The following BRD4 variants were observed in gnomAD, a reference collection of about 807,000 sequenced individuals.
The protein encoded by BRD4 is bromodomain containing 4, also known as bromodomain-containing protein 4.
In BRD4, 16 loss-of-function variants were observed where a neutral mutation model predicts 142.1. The ratio of observed to expected loss-of-function variants is 0.11; its 90% CI spans 0.08 to 0.17. The LOEUF is 0.17. Among genes scored for constraint, BRD4 ranks in the 10% least tolerant of loss-of-function variants. The probability of loss-of-function intolerance (pLI) is 1.00; values close to 1 mark genes in which losing one functional copy is unlikely to be tolerated. For synonymous variants in BRD4, 833 were observed against 707.5 expected (o/e 1.18, Z -2.82); for missense variants, 1,424 against 1,810.9 (o/e 0.79, Z 3.88).
chr19:15,327,503 C>G (rs1230854388), intron 1 of BRD4, among the ~76,000 whole-genome samples: 6 of 151,772 alleles, frequency 4.0e-5, no homozygotes, highest in Non-Finnish European at 2.9e-5. Context: ...GAGATCGTGC[C>G]ACTGCACTCC....
intron 1 of BRD4, among the ~76,000 whole-genome samples, chr19:15,323,021 G>A (rs1346766486): frequency 6.6e-6 from 1 of 151,514 alleles, no homozygotes; most frequent in Non-Finnish European, 1.5e-5. Flanking sequence ...CTGCACTCCA[G>A]CCTGGGTGAC....
At chr19:15,290,684 T>A (rs1308031522) in intron 1 of BRD4, among the ~76,000 whole-genome samples, 1 of 152,106 alleles carries the variant, frequency 6.6e-6, no homozygotes, top group African/African-American at 2.4e-5. Context: ...CTGCCTCAGA[T>A]GGTAAAGCTC....
intron 1 of BRD4, among the ~76,000 whole-genome samples, chr19:15,315,999 A>C (rs2145721145): frequency 6.9e-6 from 1 of 144,952 alleles, no homozygotes; most frequent in East Asian, 2.1e-4. Context: ...TACTAAAAAT[A>C]CAAAAAATTA....
intron 1 of BRD4, among the ~76,000 whole-genome samples, chr19:15,284,458 T>C (rs2047726516): frequency 6.6e-6 from 1 of 152,196 alleles, no homozygotes; most frequent in African/African-American, 2.4e-5. Flanking sequence ...TGGATTTATA[T>C]CTGATACACA....
Position 15,269,031 on chromosome 19 carries a change from C to G in BRD4, c.297G>C (p.Lys99Asn), listed in dbSNP as rs763461840. 2.5e-6 allele frequency: 4 copies of G among 1,613,988 alleles called. No homozygotes were observed. The African/African-American group carries it at 5.3e-5, about 22-fold the overall frequency. The change falls in exon 3 of 20, where the codon AAG becomes AAC. Residue 99 changes from lysine to asparagine, a missense_variant. Physicochemically the swap from Lys to Asn is moderately conservative, Grantham distance 94 (BLOSUM62 0). Around this residue, in one of 16 missense-constraint regions of BRD4, gnomAD observed 55 missense variants for 160.7 expected, o/e 0.34. Coordinates refer to ENST00000679869, the MANE Select transcript of BRD4 (RefSeq NM_001379291.1). ...CCATATCCATAGGCGTTTTAATGATCTTATAGTAATCCTGGAGAGCAGAGA... is the reference window on the plus strand; with the variant it reads ...CCATATCCATAGGCGTTTTAATGATGTTATAGTAATCCTGGAGAGCAGAGA... ...AVKLNLPDYYKIIKTPMDMGT... is the reference protein window; with the variant it reads ...AVKLNLPDYYNIIKTPMDMGT...
In BRD4 at chr19:15,239,694, G is replaced by A. The variant is rs540369634; in HGVS notation, c.3410C>T (p.Pro1137Leu). 11 of 1,593,854 alleles carry A rather than the reference G, an allele frequency of 6.9e-6. No homozygotes were observed. The highest frequency in any genetic ancestry group is 4.5e-5 in the East Asian group (2 of 44,806). ...PSLRPEPPKH[P>L]ESIKAPVHLP... ...GTGGACGGGGGCCTTGATGCTCTCCGGGTGCTTGGGGGGCTCCGGCCGCAG... is the reference window on the plus strand; with the variant it reads ...GTGGACGGGGGCCTTGATGCTCTCCAGGTGCTTGGGGGGCTCCGGCCGCAG... Residue 1137 changes from proline (P) to leucine (L), a missense_variant, in exon 16 of 20, where the codon CCG (proline) becomes CTG (leucine). By Grantham distance (98) the Pro-to-Leu change is moderately conservative (BLOSUM62 -3). This residue lies in a region of BRD4 where 598 missense variants were observed against 647.8 expected (regional missense o/e 0.92). Transcript: ENST00000679869. The surrounding 1 kb of genome is among the most constrained non-coding windows in gnomAD (Gnocchi z 7.4).
Position 15,239,548 on chromosome 19 carries a change from CTGGCCCACCTCACCCCAGTGGGGCA to C in BRD4, c.3446-51_3446-27del, listed in dbSNP as rs778802854. 1.9e-6 allele frequency: 3 copies of C among 1,596,090 alleles called. No homozygotes were observed. Among genetic ancestry groups the C allele is most frequent in the African/African-American group, 1.3e-5 (1 of 74,418 alleles). ...CTGGAACATAAACAGCCGGTGGGCC[CTGGCCCACCTCACCCCAGTGGGGCA>C]TGGTCCACCAGCCCCACAGCAAGCT... On this transcript the variant is annotated intron_variant, in intron 16 of 19. Coordinates refer to ENST00000679869, the MANE Select transcript of BRD4 (RefSeq NM_001379291.1). This position sits in a 1 kb window ranked among gnomAD's most constrained non-coding sequence, Gnocchi z 7.4.
At chr19:15,326,428 G>A (rs370550285) in intron 1 of BRD4, among the ~76,000 whole-genome samples, 9 of 151,938 alleles carry the variant, frequency 5.9e-5, no homozygotes, top group South Asian at 4.2e-4. Flanking sequence ...TCTCTGCATG[G>A]GTGACAGAGC....
At chr19:15,270,993 ACT>A (rs2047581423) in intron 2 of BRD4, among the ~76,000 whole-genome samples, 1 of 151,902 alleles carries the variant, frequency 6.6e-6, no homozygotes, top group African/African-American at 2.4e-5. Flanking sequence ...GTAGATTCAC[ACT>A]CTGCCTGGAC....
intron 1 of BRD4, among the ~76,000 whole-genome samples, chr19:15,308,346 T>G (rs927832228): frequency 6.6e-6 from 1 of 151,164 alleles, no homozygotes. Context: ...CCCAGCACTT[T>G]GGGAGGCCCA....
chr19:15,286,256 G>A (rs1224720760), intron 1 of BRD4, among the ~76,000 whole-genome samples: 15 of 152,144 alleles, frequency 9.9e-5, no homozygotes, highest in African/African-American at 3.4e-4. Flanking sequence ...CCCCTGCACC[G>A]GCCTAACATG....
chr19:15,253,524 G>A (rs200916366), intron 11 of BRD4: 78 of 1,523,280 alleles, frequency 5.1e-5, no homozygotes, highest in Middle Eastern at 1.7e-4. Context: ...GGAGGGACAC[G>A]CAAGTCCAGG....
intron 2 of BRD4, among the ~76,000 whole-genome samples, chr19:15,271,414 AG>A (rs2047585915): frequency 6.6e-6 from 1 of 152,178 alleles, no homozygotes; most frequent in African/African-American, 2.4e-5. Context: ...CAGGATGATC[AG>A]GTCGGAATCC....
chr19:15,328,648 G>C (rs1008175863), intron 1 of BRD4, among the ~76,000 whole-genome samples: 1 of 152,126 alleles, frequency 6.6e-6, no homozygotes, highest in Non-Finnish European at 1.5e-5. Context: ...CAAAATTCTT[G>C]CTCAATTACT....
At chr19:15,285,664 A>G (rs557157678) in intron 1 of BRD4, among the ~76,000 whole-genome samples, 3 of 152,362 alleles carry the variant, frequency 2.0e-5, no homozygotes, top group South Asian at 2.1e-4. Flanking sequence ...AAAATTTTAA[A>G]AAGTGCACAT....
Position 15,257,159 on chromosome 19 carries a change from C to A in BRD4, c.1356G>T (p.Met452Ile). ...GCTCGTCCGGCATCTTGGCAAAGCG[C>A]ATTTCGAACACATCCTGGTGAGGGA... ...MARKLQDVFE[M>I]RFAKMPDEPE... Residue 452 changes from methionine to isoleucine, a missense_variant, in exon 8 of 20, where the codon ATG (methionine) becomes ATT (isoleucine). Met to Ile is a conservative substitution (Grantham distance 10). Transcript: ENST00000679869. 6.2e-7 allele frequency: 1 copy of A among 1,606,792 alleles called. No homozygotes were observed. The highest frequency in any genetic ancestry group is 8.5e-7 in the Non-Finnish European group (1 of 1,178,726).
In BRD4 at chr19:15,266,544, C is replaced by T. The variant is rs146290185; in HGVS notation, c.559+872G>A. Among the ~76,000 whole-genome samples the T allele has an allele frequency of 9.8e-3, 1,499 of 152,246 alleles. 30 individuals are homozygous for T. Among genetic ancestry groups the T allele is most frequent in the African/African-American group, 0.034 (1,425 of 41,528 alleles). ...AACCCCTGGTCCCAGGGAGTGAGGA[C>T]CAATATCCTCATGTAAGGATAAGGG... On this transcript the variant is annotated intron_variant, in intron 4 of 19. Transcript: ENST00000679869.
intron 1 of BRD4, among the ~76,000 whole-genome samples, chr19:15,302,326 G>A (rs2047875761): frequency 6.6e-6 from 1 of 152,164 alleles, no homozygotes; most frequent in Non-Finnish European, 1.5e-5. Context: ...AAGTGCAGCA[G>A]GCAAGGACAG....
intron 1 of BRD4, among the ~76,000 whole-genome samples, chr19:15,327,265 G>A (rs992891488): frequency 1.3e-5 from 2 of 152,166 alleles, no homozygotes; most frequent in Non-Finnish European, 2.9e-5. Flanking sequence ...AAGGCCAGGC[G>A]CGGTGGCTCA....
Sources: allele counts gnomAD v4.1 joint callset (sites outside exome capture counted in the v4.1 genomes callset), GRCh38; gene constraint gnomAD v4.1.1; regional missense constraint gnomAD v4.1.1; non-coding constraint Gnocchi (gnomAD v3.1); transcripts MANE v1.5; gene names NCBI Gene and HGNC (gene_info 2026-07-23, HGNC 2026-07-21).